Variants in VSIG4 observed in about 807,000 individuals in gnomAD.
The protein encoded by VSIG4 is V-set and immunoglobulin domain containing 4, also known as V-set and immunoglobulin domain-containing protein 4.
In VSIG4, 34 loss-of-function variants were observed where a neutral mutation model predicts 23.4. That is an observed-to-expected ratio of 1.45 (90% CI 1.10 to 1.93). The LOEUF is 1.93. Ranked by LOEUF, VSIG4 falls within the 30% of genes most tolerant of loss-of-function variation. The probability of loss-of-function intolerance (pLI) is 0.00; values close to 1 mark genes in which losing one functional copy is unlikely to be tolerated. For missense variants in VSIG4, 433 were observed against 310.8 expected, an observed-to-expected ratio of 1.39 and a Z score of -2.96; for synonymous variants, 169 against 120.3, an observed-to-expected ratio of 1.41 and a Z score of -2.65.
chrX:66,027,929 G>A (rs2085411885), intron 4 of VSIG4, 121 bp downstream of exon 4: 1 of 640,407 alleles, frequency 1.6e-6, no homozygotes, highest in Non-Finnish European at 2.6e-6. Context: ...TTACTGCTAT[G>A]TTCTCTCTGA....
rs2085342481 is a variant in VSIG4, at chrX:66,022,382, G to A, written c.1081C>T (p.Pro361Ser). 8.3e-7 allele frequency: 1 copy of A among 1,210,952 alleles called. No homozygotes were observed. Among genetic ancestry groups the A allele is most frequent in the Non-Finnish European group, 1.1e-6 (1 of 895,407 alleles). The part of the protein sequence containing the change: ...QNLGNNYSDE[P>S]CIGQEYQIIA... ...ATCTGGTACTCCTGTCCTATGCAGG[G>A]CTCATCAGAGTAGTTGTTGCCCAGA... The change falls in exon 8 of 8, where the codon CCC becomes TCC. Residue 361 changes from proline to serine, a missense_variant. By Grantham distance (74) the Pro-to-Ser change is moderately conservative. Coordinates refer to ENST00000374737, the MANE Select transcript of VSIG4 (RefSeq NM_007268.3).
At chrX:66,034,756 C>A (rs1181003557) in intron 1 of VSIG4, among the ~76,000 whole-genome samples, 1 of 54,962 alleles carries the variant, frequency 1.8e-5, no homozygotes, top group Non-Finnish European at 2.7e-5. Flanking sequence ...GAGAAGGAAA[C>A]CCTTGGGGAT....
At chrX:66,030,174 C>T (rs951087567) in intron 3 of VSIG4, among the ~76,000 whole-genome samples, 5 of 111,114 alleles carry the variant, frequency 4.5e-5, no homozygotes, top group African/African-American at 1.6e-4. Flanking sequence ...ACAGGATCCA[C>T]TGCTACACAG....
chrX:66,035,169 C>T (rs2085521648), intron 1 of VSIG4, among the ~76,000 whole-genome samples: 1 of 110,877 alleles, frequency 9.0e-6, no homozygotes, highest in African/African-American at 3.3e-5. Context: ...ATATTTTAGT[C>T]AAGAAAAAGC....
At chrX:66,025,351 G>A (rs771687550) in intron 5 of VSIG4, among the ~76,000 whole-genome samples, 7 of 112,192 alleles carry the variant, frequency 6.2e-5, no homozygotes, top group Non-Finnish European at 1.3e-4. Flanking sequence ...CTGGTGGGCT[G>A]ATTGGCCTGG....
chrX:66,037,041 A>C (rs1472437417), intron 1 of VSIG4, among the ~76,000 whole-genome samples: 1 of 39,498 alleles, frequency 2.5e-5, no homozygotes, highest in Non-Finnish European at 3.9e-5. Flanking sequence ...AATGTAATAT[A>C]ATATATCATA....
rs759471784 is a variant in VSIG4 at position 66,036,409 on chromosome X, T to C, written c.56-2579A>G. ...TCCTTGTAGTTCCCCTAGAATCAAG[T>C]AGGAGCCCCTAATGAGAGCAGGAGG... On this transcript the variant is annotated intron_variant, in intron 1 of 7. Transcript: ENST00000374737. Among the ~76,000 whole-genome samples the C allele has an allele frequency of 1.9e-4, 20 of 104,578 alleles. No homozygotes were observed. In the Admixed American group the frequency reaches 2.0e-3, roughly 11 times the overall value. The allele number at this position is 104,578 out of a possible 115,157, so 90.8% of individuals were successfully genotyped here.
chrX:66,024,398 C>A (rs2085366247), intron 6 of VSIG4, among the ~76,000 whole-genome samples: 1 of 111,852 alleles, frequency 8.9e-6, no homozygotes, highest in African/African-American at 3.3e-5. Context: ...TTTCATTTCC[C>A]ACTGTACTTC....
At chrX:66,032,322 C>A in intron 3 of VSIG4, 146 bp downstream of exon 3, 2 of 713,087 alleles carry the variant, frequency 2.8e-6, no homozygotes, top group Non-Finnish European at 4.0e-6. Context: ...GTCCCCAGTC[C>A]AAGTTTTTTT....
chrX:66,035,916 G>A (rs2085532802), intron 1 of VSIG4, among the ~76,000 whole-genome samples: 1 of 112,006 alleles, frequency 8.9e-6, no homozygotes, highest in Non-Finnish European at 1.9e-5. Flanking sequence ...TAGGGGAGCT[G>A]AAAGGCCTGG....
At chrX:66,038,476 C>T (rs746201565) in intron 1 of VSIG4, among the ~76,000 whole-genome samples, 1 of 88,918 alleles carries the variant, frequency 1.1e-5, no homozygotes, top group Non-Finnish European at 2.0e-5. Flanking sequence ...TGCTCTCTCT[C>T]TCTCTCACAC....
chrX:66,032,714 C>A lies in VSIG4; in HGVS notation c.448G>T (p.Gly150Cys), dbSNP rs772034287. 1.7e-6 allele frequency: 2 copies of A among 1,211,278 alleles called. No individual in the cohort carries two copies. Among genetic ancestry groups the A allele is most frequent in the Non-Finnish European group, 2.2e-6 (2 of 895,316 alleles). Residue 150 changes from glycine to cysteine, a missense_variant, in exon 3 of 8, where the codon GGT becomes TGT. Physicochemically the swap from Gly to Cys is radical, Grantham distance 159. Transcript: ENST00000374737. ...VSKPTVTTGSGYGFTVPQGMR... is the reference protein window; with the variant it reads ...VSKPTVTTGSCYGFTVPQGMR... ...CCCTGGGGCACCGTGAAGCCATAACCGCTGCCAGTTGTCACTGTGGGCTTG... is the reference window on the plus strand; with the variant it reads ...CCCTGGGGCACCGTGAAGCCATAACAGCTGCCAGTTGTCACTGTGGGCTTG...
rs1025987033 is a variant in VSIG4, at chrX:66,040,049, G to A, written c.-51C>T. Reference sequence around the variant, plus strand: ...TCTTCCAGCCTCCTGCTACCAAAGAGGCTCAAACTTCTGGTGGCCGCCAGC... The same window carrying A: ...TCTTCCAGCCTCCTGCTACCAAAGAAGCTCAAACTTCTGGTGGCCGCCAGC... On this transcript the variant is annotated 5_prime_UTR_variant, in exon 1 of 8. Coordinates refer to ENST00000374737, the MANE Select transcript of VSIG4 (RefSeq NM_007268.3). 2.5e-6 allele frequency: 3 copies of A among 1,185,152 alleles called. No homozygotes were observed. The highest frequency in any genetic ancestry group is 3.4e-6 in the Non-Finnish European group (3 of 872,443).
At chrX:66,033,915 G>T in intron 1 of VSIG4, 85 bp from the exon 2 acceptor site, 1 of 792,663 alleles carries the variant, frequency 1.3e-6, no homozygotes, top group Non-Finnish European at 1.8e-6. Flanking sequence ...ACCTCAAAAG[G>T]TTTCTGAGAA....
Position 66,022,563 on chromosome X carries a change from C to A in VSIG4, c.963-63G>T, listed in dbSNP as rs2085345470. 2.5e-6 allele frequency: 3 copies of A among 1,178,966 alleles called. No individual in the cohort carries two copies. In the South Asian group the frequency reaches 5.8e-5, roughly 23 times the overall value. ...TGGGGCTGTGGTCCTGGTTTCCCAC[C>A]CTTCTGCCTCAATTCTTGCCAATTA... On this transcript the variant is annotated intron_variant, in intron 7 of 7. Coordinates refer to ENST00000374737, the MANE Select transcript of VSIG4 (RefSeq NM_007268.3).
chrX:66,032,698 A>T lies in VSIG4; in HGVS notation c.464T>A (p.Val155Glu). The T allele has an allele frequency of 3.3e-6, 4 of 1,211,410 alleles. No homozygotes were observed. The highest frequency in any genetic ancestry group is 4.5e-6 in the Non-Finnish European group (4 of 895,360). ...AAGGCTAATCCTCATTCCCTGGGGC[A>T]CCGTGAAGCCATAACCGCTGCCAGT... ...VTTGSGYGFT[V>E]PQGMRISLQC... The change falls in exon 3 of 8, where the codon GTG (valine) becomes GAG (glutamate). Residue 155 changes from valine (V) to glutamate (E), a missense_variant. Val to Glu is a moderately radical substitution (Grantham distance 121). Coordinates refer to ENST00000374737, the MANE Select transcript of VSIG4 (RefSeq NM_007268.3).
At position 66,033,583 on chromosome X, in the gene VSIG4, G is replaced by A; in HGVS notation, c.303C>T (p.Ser101=). Residue 101 remains serine (S), a synonymous_variant, in exon 2 of 8, where the codon AGC becomes AGT. Transcript: ENST00000374737. The part of the protein sequence containing the change: ...KVPGDVSLQL[S]TLEMDDRSHY... ...GGCTCCGGTCATCCATCTCCAGGGTGCTCAATTGGAGGGATACATCTCCTG... is the reference window on the plus strand; with the variant it reads ...GGCTCCGGTCATCCATCTCCAGGGTACTCAATTGGAGGGATACATCTCCTG... 1 of 1,211,371 alleles carries A rather than the reference G, an allele frequency of 8.3e-7. No individual in the cohort carries two copies. Among genetic ancestry groups the A allele is most frequent in the Non-Finnish European group, 1.1e-6 (1 of 895,343 alleles).
At chrX:66,024,275 T>G (rs1164735167) in intron 6 of VSIG4, among the ~76,000 whole-genome samples, 2 of 112,693 alleles carry the variant, frequency 1.8e-5, no homozygotes, top group Non-Finnish European at 3.7e-5. Flanking sequence ...GCTGTCATTA[T>G]GCCACTTCCA....
chrX:66,036,671 A>AAT (rs1378627939), intron 1 of VSIG4, among the ~76,000 whole-genome samples: 3 of 63,675 alleles, frequency 4.7e-5, no homozygotes, highest in African/African-American at 1.8e-4. Flanking sequence ...AATATAATAT[A>AAT]ATATATATAA....
Sources: gnomAD v4.1 joint callset for allele counts (sites outside exome capture counted in the v4.1 genomes callset) on GRCh38, gnomAD v4.1.1 for gene constraint, MANE v1.5 for transcripts, NCBI Gene and HGNC (gene_info 2026-07-23, HGNC 2026-07-21) for gene names.